The following NAALADL2 variants were observed in gnomAD, a reference collection of about 807,000 sequenced individuals.
The protein encoded by NAALADL2 is inactive N-acetylated-alpha-linked acidic dipeptidase-like protein 2.
NAALADL2 carries 76 observed loss-of-function variants against 87.2 expected under a neutral mutation model. The observed-to-expected ratio is 0.87, with a 90% CI of 0.72 to 1.05. NAALADL2 has a LOEUF of 1.05. NAALADL2 is among the 50% of genes least tolerant of loss of function. The pLI, the probability that NAALADL2 is intolerant of heterozygous loss-of-function variation, is 0.00. For missense variants in NAALADL2, 1,089 were observed against 945.8 expected, an observed-to-expected ratio of 1.15 and a Z score of -1.99; for synonymous variants, 354 against 331.0, an observed-to-expected ratio of 1.07 and a Z score of -0.75.
chr3:175,742,491 G>A lies in NAALADL2; in HGVS notation c.1990+5092G>A, dbSNP rs1158564593. On this transcript the variant is annotated intron_variant, in intron 12 of 13. Transcript: ENST00000454872. ...TGGCTCACTGCAAGCTCCGCCTCCC[G>A]GGTTCACGCCATTCTCCTGCCTCAG... Among the ~76,000 whole-genome samples the A allele has an allele frequency of 6.0e-5, 9 of 150,186 alleles. No individual in the cohort carries two copies. The East Asian group carries it at 1.2e-3, about 19-fold the overall frequency.
rs1560446041 is a variant in NAALADL2 at position 174,987,588 on chromosome 3, A to AT, written c.44-109202_44-109201insT. On this transcript the variant is annotated intron_variant, in intron 1 of 13. Coordinates refer to ENST00000454872, the MANE Select transcript of NAALADL2 (RefSeq NM_207015.3). ...CGTCTCAAAAAAAAAAAAAAAAAAA[A>AT]AAAAAAAAAACAATACTCATCAGAG... Among the ~76,000 whole-genome samples the AT allele has an allele frequency of 4.8e-3, 688 of 141,958 alleles. 24 individuals carry two copies. The highest frequency in any genetic ancestry group is 0.017 in the African/African-American group (623 of 36,586). 93.1% of individuals were successfully genotyped at this position (141,958 alleles called of 152,430 possible).
At chr3:174,512,836 G>C (rs1466315772) in intron 1 of NAALADL2, among the ~76,000 whole-genome samples, 1 of 151,956 alleles carries the variant, frequency 6.6e-6, no homozygotes, top group Non-Finnish European at 1.5e-5. Flanking sequence ...TTTTTATATA[G>C]TTACTCTGGT....
intron 10 of NAALADL2, 58 bp downstream of exon 10, chr3:175,576,245 T>C: frequency 6.8e-7 from 1 of 1,477,428 alleles, no homozygotes; most frequent in Non-Finnish European, 9.2e-7. Context: ...CCTGCAGAAT[T>C]TGATTTTATC....
chr3:175,467,262 C>A, intron 8 of NAALADL2, 78 bp downstream of exon 8: 2 of 1,227,350 alleles, frequency 1.6e-6, no homozygotes, highest in Non-Finnish European at 2.3e-6. Context: ...ATTTTCAAAG[C>A]CAAGGGCAAT....
At chr3:175,540,304 G>A (rs1419968281) in intron 9 of NAALADL2, among the ~76,000 whole-genome samples, 1 of 152,140 alleles carries the variant, frequency 6.6e-6, no homozygotes, top group Non-Finnish European at 1.5e-5. Flanking sequence ...GGATATGTCT[G>A]AGGGAAGAGA....
intron 1 of NAALADL2, among the ~76,000 whole-genome samples, chr3:174,874,355 A>T (rs1728215138): frequency 6.6e-6 from 1 of 152,230 alleles, no homozygotes; most frequent in Non-Finnish European, 1.5e-5. Context: ...ACTGATACTT[A>T]ATGTGCCAAG....
At chr3:175,131,945 C>CG (rs1317873694) in intron 2 of NAALADL2, among the ~76,000 whole-genome samples, 1 of 115,510 alleles carries the variant, frequency 8.7e-6, no homozygotes, top group Non-Finnish European at 1.8e-5. Flanking sequence ...TAGGGGTGGC[C>CG]GGGCAGAGGC....
chr3:174,819,201 A>C (rs1375995603), intron 3 of NAALADL2, among the ~76,000 whole-genome samples: 1 of 149,914 alleles, frequency 6.7e-6, no homozygotes, highest in Non-Finnish European at 1.5e-5. Context: ...AGTAGCTGGG[A>C]CCAAAGGCAC....
intron 11 of NAALADL2, among the ~76,000 whole-genome samples, chr3:175,721,938 A>G (rs532768077): frequency 3.8e-4 from 58 of 152,212 alleles, no homozygotes; most frequent in Middle Eastern, 3.4e-3. Flanking sequence ...TTTATAGCTC[A>G]CTACCATTTG....
At chr3:175,061,725 AC>A (rs1713523235) in intron 1 of NAALADL2, among the ~76,000 whole-genome samples, 1 of 131,384 alleles carries the variant, frequency 7.6e-6, no homozygotes, top group Non-Finnish European at 1.6e-5. Flanking sequence ...GCTCACTTGC[AC>A]AAATATATAT....
intron 2 of NAALADL2, among the ~76,000 whole-genome samples, chr3:174,558,584 G>A (rs1167296648): frequency 6.6e-6 from 1 of 152,016 alleles, no homozygotes; most frequent in African/African-American, 2.4e-5. Flanking sequence ...GTTCACAATA[G>A]GGTTCGTGCT....
chr3:174,582,029 A>G (rs1428577662), intron 2 of NAALADL2, among the ~76,000 whole-genome samples: 1 of 152,218 alleles, frequency 6.6e-6, no homozygotes, highest in East Asian at 1.9e-4. Flanking sequence ...CTTAAGCAAT[A>G]AAAGAATGGC....
chr3:175,604,084 T>C (rs1723332514), intron 10 of NAALADL2, among the ~76,000 whole-genome samples: 1 of 152,182 alleles, frequency 6.6e-6, no homozygotes, highest in African/African-American at 2.4e-5. Context: ...CTGAATCATA[T>C]TGTAATTCTA....
At chr3:174,494,747 T>C (rs796505922) in intron 1 of NAALADL2, among the ~76,000 whole-genome samples, 3 of 152,288 alleles carry the variant, frequency 2.0e-5, no homozygotes, top group African/African-American at 7.2e-5. Context: ...TTTAATTTGA[T>C]TGAATTATTC....
chr3:174,587,194 T>C (rs1716824240), intron 2 of NAALADL2, among the ~76,000 whole-genome samples: 1 of 152,128 alleles, frequency 6.6e-6, no homozygotes, highest in Non-Finnish European at 1.5e-5. Flanking sequence ...TAGTATTCCA[T>C]GGTGAATATG....
At chr3:175,561,187 A>G (rs1316947255) in intron 9 of NAALADL2, among the ~76,000 whole-genome samples, 1 of 152,192 alleles carries the variant, frequency 6.6e-6, no homozygotes, top group African/African-American at 2.4e-5. Flanking sequence ...TGGGTGCCAG[A>G]ATACAAAGAT....
In NAALADL2 at chr3:175,013,078, TA is replaced by T. The variant is rs1298952560; in HGVS notation, c.44-83710del. ...ATATATACACATATATATAAATATG[TA>T]ATACATATTTATATATAAATATACA... On this transcript the variant is annotated intron_variant, in intron 1 of 13. Coordinates refer to ENST00000454872, the MANE Select transcript of NAALADL2 (RefSeq NM_207015.3). Among the ~76,000 whole-genome samples the T allele has an allele frequency of 1.2e-3, 109 of 94,364 alleles. 4 individuals are homozygous for T. Among genetic ancestry groups the T allele is most frequent in the East Asian group, 2.9e-3 (9 of 3,100 alleles). The allele number at this position is 94,364 out of a possible 152,430, so 61.9% of individuals were successfully genotyped here. A position where few individuals can be genotyped will look rare whatever the true frequency, so the allele number is the denominator to read the frequency against.
At chr3:174,562,267 A>C (rs2108514034) in intron 2 of NAALADL2, among the ~76,000 whole-genome samples, 1 of 152,286 alleles carries the variant, frequency 6.6e-6, no homozygotes, top group East Asian at 1.9e-4. Flanking sequence ...TTATGATTAA[A>C]CCTATTCATA....
At chr3:174,988,876 A>C (rs1746336306) in intron 1 of NAALADL2, among the ~76,000 whole-genome samples, 1 of 152,192 alleles carries the variant, frequency 6.6e-6, no homozygotes, top group African/African-American at 2.4e-5. Flanking sequence ...GTTGCTATAA[A>C]AACTACCTGA....
Sources: gnomAD v4.1 joint callset for allele counts (sites outside exome capture counted in the v4.1 genomes callset) on GRCh38, gnomAD v4.1.1 for gene constraint, MANE v1.5 for transcripts, NCBI Gene and HGNC (gene_info 2026-07-23, HGNC 2026-07-21) for gene names.